PTCHD4: variants seen among roughly 807,000 people sequenced by gnomAD.
PTCHD4 encodes patched domain containing 4.
A neutral mutation model predicts 58.1 loss-of-function variants in PTCHD4; 33 were observed. That is an observed-to-expected ratio of 0.57 (90% CI 0.43 to 0.76). The LOEUF is 0.76. Among genes scored for constraint, PTCHD4 ranks in the 30% least tolerant of loss-of-function variants. The pLI is 0.00. For synonymous variants in PTCHD4, 478 were observed against 409.6 expected (o/e 1.17, Z -2.02); for missense variants, 1,058 against 1,027.1 (o/e 1.03, Z -0.41).
At chr6:48,045,880 G>T (rs1380693193) in intron 3 of PTCHD4, among the ~76,000 whole-genome samples, 1 of 151,378 alleles carries the variant, frequency 6.6e-6, no homozygotes, top group African/African-American at 2.4e-5. Context: ...GTATATAAGG[G>T]ATCCTCACTG....
intron 3 of PTCHD4, among the ~76,000 whole-genome samples, chr6:48,032,744 G>C (rs193034446): frequency 6.6e-6 from 1 of 152,150 alleles, no homozygotes; most frequent in Non-Finnish European, 1.5e-5. Flanking sequence ...TTTATCTGTG[G>C]CATACCAAGT....
chr6:48,031,269 C>A (rs1358618901), intron 3 of PTCHD4, among the ~76,000 whole-genome samples: 1 of 152,088 alleles, frequency 6.6e-6, no homozygotes, highest in Non-Finnish European at 1.5e-5. Context: ...CCTATCATAT[C>A]AGTTTAGCCA....
intron 4 of PTCHD4, among the ~76,000 whole-genome samples, chr6:47,924,981 A>G (rs1561960076): frequency 6.7e-6 from 1 of 149,600 alleles, no homozygotes; most frequent in Non-Finnish European, 1.5e-5. Flanking sequence ...TATACATTTT[A>G]TATATATGTA....
chr6:47,958,798 G>A (rs1766968702), intron 4 of PTCHD4, among the ~76,000 whole-genome samples: 1 of 152,190 alleles, frequency 6.6e-6, no homozygotes, highest in Non-Finnish European at 1.5e-5. Context: ...ATGGAATAGT[G>A]TCTGCTACCA....
chr6:48,097,450 T>G (rs1765497426), intron 1 of PTCHD4, among the ~76,000 whole-genome samples: 2 of 131,698 alleles, frequency 1.5e-5, no homozygotes, highest in South Asian at 4.8e-4. Context: ...AATTATAGAT[T>G]TGGAATTTAA....
Position 47,917,931 on chromosome 6 carries a change from C to T in PTCHD4, c.899-37995G>A, listed in dbSNP as rs142338988. On this transcript the variant is annotated intron_variant, in intron 4 of 4. Transcript: ENST00000339488. ...AGCAGAATTTCATCTCCAGGCATAA[C>T]GTCAAACTTCAGTTGCTGAAGCAGT... Among the ~76,000 whole-genome samples, 141 of 152,168 alleles carry T rather than the reference C, an allele frequency of 9.3e-4. 1 individual carries two copies. Among genetic ancestry groups the T allele is most frequent in the African/African-American group, 2.6e-3 (108 of 41,524 alleles).
chr6:48,012,698 T>A (rs1342849046), intron 3 of PTCHD4, among the ~76,000 whole-genome samples: 3 of 152,228 alleles, frequency 2.0e-5, no homozygotes, highest in Non-Finnish European at 2.9e-5. Context: ...CAGTATGATA[T>A]TGGCTATGGA....
At chr6:48,049,025 A>G (rs1252644735) in intron 3 of PTCHD4, among the ~76,000 whole-genome samples, 1 of 151,964 alleles carries the variant, frequency 6.6e-6, no homozygotes, top group African/African-American at 2.4e-5. Flanking sequence ...TGAGGTACAA[A>G]GACGATTTTC....
chr6:48,049,747 C>A (rs894663543), intron 3 of PTCHD4, among the ~76,000 whole-genome samples: 1 of 151,904 alleles, frequency 6.6e-6, no homozygotes, highest in African/African-American at 2.4e-5. Flanking sequence ...ATCGTAAATT[C>A]TTTGCTGGTT....
At chr6:47,988,886 G>A (rs1049154751) in intron 4 of PTCHD4, among the ~76,000 whole-genome samples, 7 of 152,262 alleles carry the variant, frequency 4.6e-5, no homozygotes, top group East Asian at 3.9e-4. Flanking sequence ...AAAGATACCC[G>A]AAAATGTGGA....
chr6:47,879,545 C>T lies in PTCHD4; in HGVS notation c.1290G>A (p.Thr430=), dbSNP rs771084561. 8 of 1,613,594 alleles carry T rather than the reference C, an allele frequency of 5.0e-6. No homozygotes were observed. The highest frequency in any genetic ancestry group is 4.5e-5 in the East Asian group (2 of 44,876). ...QTVMSDGHQQ[T]SHHETNPYQH... ...GGTAGGGGTTCGTCTCATGATGGGACGTCTGTTGATGCCCATCACTCATCA... is the reference window on the plus strand; with the variant it reads ...GGTAGGGGTTCGTCTCATGATGGGATGTCTGTTGATGCCCATCACTCATCA... Residue 430 remains threonine, a synonymous_variant, in exon 5 of 5, where the codon ACG becomes ACA. Transcript: ENST00000339488.
intron 4 of PTCHD4, among the ~76,000 whole-genome samples, chr6:47,897,920 C>T (rs1446954157): frequency 6.7e-6 from 1 of 148,842 alleles, no homozygotes; most frequent in African/African-American, 2.5e-5. Context: ...ATCATTTCAT[C>T]CTTTCTTTTT....
rs113267720 is a variant in PTCHD4 at position 47,895,587 on chromosome 6, C to T, written c.899-15651G>A. Among the ~76,000 whole-genome samples, 766 of 152,294 alleles carry T rather than the reference C, an allele frequency of 5.0e-3. 15 individuals carry two copies. The highest frequency in any genetic ancestry group is 0.014 in the East Asian group (75 of 5,192). On this transcript the variant is annotated intron_variant, in intron 4 of 4. Coordinates refer to ENST00000339488, the MANE Select transcript of PTCHD4 (RefSeq NM_001384253.1). ...TCAGCAGATATTAATTAAACACCTA[C>T]CATATGCATAATCATGGTGCTACAT...
chr6:48,044,450 G>A (rs1437188352), intron 3 of PTCHD4, among the ~76,000 whole-genome samples: 1 of 151,866 alleles, frequency 6.6e-6, no homozygotes, highest in East Asian at 1.9e-4. Context: ...GATTTACAGC[G>A]CAAACTTGGA....
At chr6:48,091,812 A>AT (rs1262906456) in intron 1 of PTCHD4, among the ~76,000 whole-genome samples, 37 of 150,830 alleles carry the variant, frequency 2.5e-4, no homozygotes, top group African/African-American at 3.4e-4. Context: ...TGCCCAGCTA[A>AT]TTTTTTTTTG....
chr6:48,062,757 A>C (rs1476268322), intron 3 of PTCHD4, among the ~76,000 whole-genome samples: 1 of 152,204 alleles, frequency 6.6e-6, no homozygotes, highest in Admixed American at 6.5e-5. Context: ...AAAAAAGCAC[A>C]TGTACTTTAC....
chr6:47,912,664 G>C (rs1765107080), intron 4 of PTCHD4, among the ~76,000 whole-genome samples: 1 of 151,888 alleles, frequency 6.6e-6, no homozygotes, highest in African/African-American at 2.4e-5. Flanking sequence ...TTATTATTGG[G>C]ATCAATAATT....
chr6:48,101,301 T>G (rs949142139), intron 1 of PTCHD4, among the ~76,000 whole-genome samples: 2 of 152,192 alleles, frequency 1.3e-5, no homozygotes, highest in African/African-American at 4.8e-5. Flanking sequence ...GCCTATTTTA[T>G]TATGACACAA....
intron 3 of PTCHD4, among the ~76,000 whole-genome samples, chr6:48,049,151 T>A (rs1021643029): frequency 1.3e-5 from 2 of 151,818 alleles, no homozygotes; most frequent in East Asian, 3.9e-4. Flanking sequence ...CTTGGCAATG[T>A]TTGGAGACTT....
Sources: gnomAD v4.1 joint callset for allele counts (sites outside exome capture counted in the v4.1 genomes callset) on GRCh38, gnomAD v4.1.1 for gene constraint, MANE v1.5 for transcripts, NCBI Gene and HGNC (gene_info 2026-07-23, HGNC 2026-07-21) for gene names.